Variants in BCKDHB observed in about 807,000 individuals in gnomAD.
The protein encoded by BCKDHB is 2-oxoisovalerate dehydrogenase subunit beta, mitochondrial.
In BCKDHB, 41 loss-of-function variants were observed where a neutral mutation model predicts 48.5. The observed-to-expected ratio is 0.85, with a 90% CI of 0.66 to 1.10. The LOEUF (loss-of-function observed/expected upper bound fraction) is 1.10, where lower values mean the gene tolerates loss of function less well. BCKDHB is among the 50% of genes least tolerant of loss of function. The pLI is 0.00. For synonymous variants in BCKDHB, 201 were observed against 174.8 expected (o/e 1.15, Z -1.18); for missense variants, 496 against 494.2 (o/e 1.00, Z -0.03).
chr6:80,320,527 C>A (rs914674662), intron 9 of BCKDHB, among the ~76,000 whole-genome samples: 14 of 152,228 alleles, frequency 9.2e-5, no homozygotes, highest in African/African-American at 3.1e-4. Context: ...ACTAATAGGA[C>A]CCAAATCTAA....
the BCKDHB span, chr6:80,356,530 TGTA>T: frequency 6.6e-6 from 1 of 152,204 alleles, no homozygotes; most frequent in Non-Finnish European, 1.5e-5. Context: ...AAATTATGTG[TGTA>T]TTATGATTAA....
the BCKDHB span, among the ~76,000 whole-genome samples, chr6:80,446,875 G>C: frequency 6.6e-6 from 1 of 151,920 alleles, no homozygotes; most frequent in Non-Finnish European, 1.5e-5. Context: ...GGTCGAGGAG[G>C]GGTTTATCTT....
intron 1 of BCKDHB, among the ~76,000 whole-genome samples, chr6:80,122,057 A>T (rs540507014): frequency 6.6e-6 from 1 of 152,232 alleles, no homozygotes; most frequent in Non-Finnish European, 1.5e-5. Context: ...AGTTTTTAGC[A>T]TGAAGGGCTG....
chr6:80,317,323 T>C (rs1582558710), intron 9 of BCKDHB, among the ~76,000 whole-genome samples: 1 of 152,170 alleles, frequency 6.6e-6, no homozygotes, highest in African/African-American at 2.4e-5. Flanking sequence ...AACACACATA[T>C]CAATGGTCTA....
At chr6:80,383,597 G>T in the BCKDHB span, among the ~76,000 whole-genome samples, 1 of 151,658 alleles carries the variant, frequency 6.6e-6, no homozygotes, top group Non-Finnish European at 1.5e-5. Flanking sequence ...TTTAAAATGT[G>T]TCTTTATAGT....
the BCKDHB span, among the ~76,000 whole-genome samples, chr6:80,351,499 A>T: frequency 1.3e-5 from 2 of 152,190 alleles, no homozygotes; most frequent in East Asian, 3.9e-4. Context: ...TTCAGTGGTT[A>T]AAGTCTGCAG....
At chr6:80,112,232 A>G (rs569528071) in intron 1 of BCKDHB, among the ~76,000 whole-genome samples, 6 of 152,356 alleles carry the variant, frequency 3.9e-5, no homozygotes, top group South Asian at 2.1e-4. Context: ...TAGCCATGAG[A>G]TAGCAATATA....
At chr6:80,337,603 A>G (rs955241608) in intron 9 of BCKDHB, among the ~76,000 whole-genome samples, 2 of 151,640 alleles carry the variant, frequency 1.3e-5, no homozygotes, top group African/African-American at 4.8e-5. Context: ...TTTATAATTT[A>G]TATTACATAT....
intron 8 of BCKDHB, among the ~76,000 whole-genome samples, chr6:80,227,395 A>T (rs910271369): frequency 6.6e-5 from 10 of 152,116 alleles, no homozygotes; most frequent in African/African-American, 2.4e-4. Context: ...CTCGTTTCCC[A>T]AATTTTAAAA....
At chr6:80,424,893 A>G in the BCKDHB span, among the ~76,000 whole-genome samples, 2 of 152,220 alleles carry the variant, frequency 1.3e-5, no homozygotes, top group Non-Finnish European at 2.9e-5. Context: ...GATCTGGAAT[A>G]GAGAGCGGAA....
At chr6:80,324,060 C>T (rs972969040) in intron 9 of BCKDHB, among the ~76,000 whole-genome samples, 8 of 152,170 alleles carry the variant, frequency 5.3e-5, no homozygotes, top group African/African-American at 1.7e-4. Flanking sequence ...GCGTGAGCCA[C>T]CGTGCCCGGC....
At chr6:80,238,219 T>G (rs1776226576) in intron 8 of BCKDHB, among the ~76,000 whole-genome samples, 1 of 152,232 alleles carries the variant, frequency 6.6e-6, no homozygotes, top group Non-Finnish European at 1.5e-5. Flanking sequence ...TGCCTCAGCC[T>G]CCTGAGTAGC....
intron 9 of BCKDHB, among the ~76,000 whole-genome samples, chr6:80,290,622 T>A (rs1038120067): frequency 1.3e-5 from 2 of 152,172 alleles, no homozygotes; most frequent in Non-Finnish European, 2.9e-5. Flanking sequence ...TCCTTTGAAA[T>A]CCAGCACAAG....
intron 9 of BCKDHB, among the ~76,000 whole-genome samples, chr6:80,303,567 G>C (rs1309261011): frequency 6.6e-6 from 1 of 152,006 alleles, no homozygotes; most frequent in African/African-American, 2.4e-5. Context: ...TTGAAATTGA[G>C]CATTTGGCGT....
chr6:80,411,672 T>C, the BCKDHB span, among the ~76,000 whole-genome samples: 1 of 152,194 alleles, frequency 6.6e-6, no homozygotes, highest in Non-Finnish European at 1.5e-5. Context: ...TCAGAAATGG[T>C]GGACGCCCCT....
chr6:80,273,300 A>G lies in BCKDHB; in HGVS notation c.1038+79A>G, dbSNP rs1582481607. ...TCCAGAAGAAAATAAATTACTTATC[A>G]CAATATGTGAAAGCATACACTTTAT... is the stretch of plus-strand genomic sequence containing the variant. On this transcript the variant is annotated intron_variant, in intron 9 of 9. Coordinates refer to ENST00000320393, the MANE Select transcript of BCKDHB (RefSeq NM_183050.4). 13 of 1,200,790 alleles carry G rather than the reference A, an allele frequency of 1.1e-5. No homozygotes were observed. In the East Asian group the frequency reaches 1.4e-4, roughly 13 times the overall value. The allele number at this position is 1,200,790 out of a possible 1,614,324, so 74.4% of individuals were successfully genotyped here.
the BCKDHB span, among the ~76,000 whole-genome samples, chr6:80,391,664 TG>T: frequency 6.6e-6 from 1 of 152,196 alleles, no homozygotes; most frequent in Non-Finnish European, 1.5e-5. Context: ...TCCAAAGTTA[TG>T]GTAATTTGTT....
chr6:80,172,947 A>G (rs967210862), intron 6 of BCKDHB, among the ~76,000 whole-genome samples: 1 of 152,166 alleles, frequency 6.6e-6, no homozygotes, highest in African/African-American at 2.4e-5. Context: ...ATAGGAAAAT[A>G]TCAATGATAT....
At chr6:80,302,287 A>G (rs1220665706) in intron 9 of BCKDHB, among the ~76,000 whole-genome samples, 1 of 152,204 alleles carries the variant, frequency 6.6e-6, no homozygotes, top group East Asian at 1.9e-4. Flanking sequence ...GAACTGATAA[A>G]CAATTTTAGC....
Sources: allele counts gnomAD v4.1 joint callset (sites outside exome capture counted in the v4.1 genomes callset), GRCh38; gene constraint gnomAD v4.1.1; transcripts MANE v1.5; gene names NCBI Gene and HGNC (gene_info 2026-07-23, HGNC 2026-07-21).